BCL2: variants seen among roughly 807,000 people sequenced by gnomAD.
BCL2 encodes the protein BCL2 apoptosis regulator.
BCL2 carries 1 observed loss-of-function variant against 14.2 expected under a neutral mutation model. The observed-to-expected ratio is 0.07, with a 90% CI of 0.02 to 0.33. The LOEUF (loss-of-function observed/expected upper bound fraction) is 0.33, where lower values mean the gene tolerates loss of function less well. Among genes scored for constraint, BCL2 ranks in the 10% least tolerant of loss-of-function variants. The probability of loss-of-function intolerance (pLI) is 0.99; values close to 1 mark genes in which losing one functional copy is unlikely to be tolerated. For synonymous variants in BCL2, 151 were observed against 137.2 expected, an observed-to-expected ratio of 1.10 and a Z score of -0.70; for missense variants, 247 against 305.9, an observed-to-expected ratio of 0.81 and a Z score of 1.44.
At chr18:63,155,946 T>C (rs1182355963) in intron 2 of BCL2, among the ~76,000 whole-genome samples, 1 of 152,142 alleles carries the variant, frequency 6.6e-6, no homozygotes, top group Non-Finnish European at 1.5e-5. Flanking sequence ...GTGTGGGCCA[T>C]TGGTGTGACC....
At chr18:63,178,899 C>CAAAAAAAAA (rs111876869) in intron 2 of BCL2, among the ~76,000 whole-genome samples, 1 of 132,920 alleles carries the variant, frequency 7.5e-6, no homozygotes, top group Non-Finnish European at 1.6e-5. Flanking sequence ...GGGTTCAAGG[C>CAAAAAAAAA]AAAAAAAAAA....
At chr18:63,225,219 T>C (rs192717682) in intron 2 of BCL2, among the ~76,000 whole-genome samples, 43 of 152,336 alleles carry the variant, frequency 2.8e-4, no homozygotes, top group Admixed American at 1.2e-3. Context: ...ATGCCATTTA[T>C]TTTGACAAAA....
chr18:63,206,614 C>T lies in BCL2; in HGVS notation c.586-77855G>A, dbSNP rs190574413. ...ACCATCCAGAATCCAGGTGTGCCTT[C>T]GCCACACAGAACAACAAGCATCGTT... is the stretch of plus-strand genomic sequence containing the variant. On this transcript the variant is annotated intron_variant, in intron 2 of 2. Coordinates refer to ENST00000333681, the MANE Select transcript of BCL2 (RefSeq NM_000633.3). Among the ~76,000 whole-genome samples the T allele has an allele frequency of 7.9e-5, 12 of 152,340 alleles. No homozygotes were observed. In the East Asian group the frequency reaches 2.3e-3, roughly 29 times the overall value.
chr18:63,165,203 G>T (rs77285418), intron 2 of BCL2, among the ~76,000 whole-genome samples: 4,903 of 152,290 alleles, frequency 0.032, 79 homozygotes, highest in South Asian at 0.05. Flanking sequence ...ATACCAAGAT[G>T]AATAAACACA....
chr18:63,266,937 G>C (rs953616863), intron 2 of BCL2, among the ~76,000 whole-genome samples: 1 of 152,214 alleles, frequency 6.6e-6, no homozygotes, highest in Non-Finnish European at 1.5e-5. Context: ...GTTGGTCAAG[G>C]AAGACATCTC....
At chr18:63,140,458 C>G (rs1230305526) in intron 2 of BCL2, among the ~76,000 whole-genome samples, 1 of 152,214 alleles carries the variant, frequency 6.6e-6, no homozygotes, top group Non-Finnish European at 1.5e-5. Flanking sequence ...AATCTTACAA[C>G]TCAGCCAAAA....
chr18:63,309,609 T>G (rs755146380), intron 2 of BCL2, among the ~76,000 whole-genome samples: 1 of 152,034 alleles, frequency 6.6e-6, no homozygotes, highest in African/African-American at 2.4e-5. Context: ...TCATACCTGG[T>G]CTCCCCCGTC....
At chr18:63,267,118 G>A (rs1258939972) in intron 2 of BCL2, among the ~76,000 whole-genome samples, 1 of 152,198 alleles carries the variant, frequency 6.6e-6, no homozygotes, top group Non-Finnish European at 1.5e-5. Flanking sequence ...GAGCCTGGGA[G>A]GGCAGGGGAC....
At chr18:63,315,973 T>G (rs1178398696) in intron 2 of BCL2, 2 of 152,642 alleles carry the variant, frequency 1.3e-5, no homozygotes, top group Admixed American at 1.3e-4. Flanking sequence ...TCTACATGAT[T>G]TATTTTTACT....
chr18:63,207,034 A>T (rs2144669661), intron 2 of BCL2, among the ~76,000 whole-genome samples: 1 of 152,364 alleles, frequency 6.6e-6, no homozygotes. Flanking sequence ...AGCTGGCTGA[A>T]TTCGGGGTAA....
chr18:63,285,464 T>C (rs752342444), intron 2 of BCL2, among the ~76,000 whole-genome samples: 2 of 152,170 alleles, frequency 1.3e-5, no homozygotes, highest in Non-Finnish European at 2.9e-5. Context: ...ATGCACGCCC[T>C]TAGTTGGAGC....
At chr18:63,259,293 C>T (rs538029313) in intron 2 of BCL2, among the ~76,000 whole-genome samples, 1 of 152,378 alleles carries the variant, frequency 6.6e-6, no homozygotes, top group East Asian at 1.9e-4. Flanking sequence ...AAGCGGGCAG[C>T]GTGTAAGTGT....
intron 2 of BCL2, among the ~76,000 whole-genome samples, chr18:63,214,862 C>T (rs922045733): frequency 2.0e-5 from 3 of 152,104 alleles, no homozygotes; most frequent in Admixed American, 2.0e-4. Flanking sequence ...AGGCATGTGC[C>T]ACCATGCCCA....
At chr18:63,163,730 C>T (rs981707499) in intron 2 of BCL2, among the ~76,000 whole-genome samples, 24 of 152,146 alleles carry the variant, frequency 1.6e-4, no homozygotes, top group African/African-American at 5.8e-4. Flanking sequence ...AACAAATATC[C>T]ATTCATCTTA....
intron 2 of BCL2, among the ~76,000 whole-genome samples, chr18:63,212,862 C>T (rs940202266): frequency 2.3e-4 from 32 of 137,472 alleles, no homozygotes; most frequent in Non-Finnish European, 4.7e-4. Flanking sequence ...GGCAACGGAG[C>T]GAGACTCTGT....
chr18:63,223,581 G>A (rs1035796668), intron 2 of BCL2, among the ~76,000 whole-genome samples: 3 of 152,092 alleles, frequency 2.0e-5, no homozygotes, highest in African/African-American at 7.2e-5. Context: ...CAAATAAAAG[G>A]AAATATGCAT....
At chr18:63,180,195 C>T (rs990952273) in intron 2 of BCL2, among the ~76,000 whole-genome samples, 2 of 152,216 alleles carry the variant, frequency 1.3e-5, no homozygotes, top group African/African-American at 2.4e-5. Context: ...TAACCCCTGA[C>T]GGCTTATGGA....
rs1302520231 is a variant in BCL2 at position 63,318,341 on chromosome 18, C to G, written c.326G>C (p.Arg109Pro). 6.2e-7 allele frequency: 1 copy of G among 1,611,466 alleles called. No individual in the cohort carries two copies. Among genetic ancestry groups the G allele is most frequent in the African/African-American group, 1.3e-5 (1 of 74,898 alleles). The change falls in exon 2 of 3, where the codon CGC becomes CCC. Residue 109 changes from arginine (R) to proline (P), a missense_variant. Physicochemically the swap from Arg to Pro is moderately radical, Grantham distance 103. Transcript: ENST00000333681. The surrounding 1 kb of genome is among the most constrained non-coding windows in gnomAD (Gnocchi z 7.4). ...QAGDDFSRRY[R>P]RDFAEMSSQL... is the part of the protein sequence containing the mutation. Reference sequence around the variant, plus strand: ...GCTGGACATCTCGGCGAAGTCGCGGCGGTAGCGGCGGGAGAAGTCGTCGCC... The same window carrying G: ...GCTGGACATCTCGGCGAAGTCGCGGGGGTAGCGGCGGGAGAAGTCGTCGCC...
intron 2 of BCL2, among the ~76,000 whole-genome samples, chr18:63,134,363 G>A (rs1914153737): frequency 6.6e-6 from 1 of 152,162 alleles, no homozygotes; most frequent in African/African-American, 2.4e-5. Context: ...GTCTAGTAGT[G>A]GGGAGACATG....
Sources: allele counts gnomAD v4.1 joint callset (sites outside exome capture counted in the v4.1 genomes callset), GRCh38; gene constraint gnomAD v4.1.1; non-coding constraint Gnocchi (gnomAD v3.1); transcripts MANE v1.5; gene names NCBI Gene and HGNC (gene_info 2026-07-23, HGNC 2026-07-21).